Variants in ORC3 observed in about 807,000 individuals in gnomAD.
The protein encoded by ORC3 is homolog of latheo, Drosophila.
Under a neutral mutation model 100.7 loss-of-function variants are expected in ORC3, and 78 were observed. The ratio of observed to expected loss-of-function variants is 0.77; its 90% CI spans 0.65 to 0.94. ORC3 has a LOEUF of 0.94. Among genes scored for constraint, ORC3 ranks in the 40% least tolerant of loss-of-function variants. The probability of loss-of-function intolerance (pLI) is 0.00; values close to 1 mark genes in which losing one functional copy is unlikely to be tolerated. For missense variants in ORC3, 789 were observed against 823.9 expected, an observed-to-expected ratio of 0.96 and a Z score of 0.52; for synonymous variants, 295 against 289.3, an observed-to-expected ratio of 1.02 and a Z score of -0.20.
chr6:87,613,698 G>A (rs1778949342), intron 8 of ORC3, among the ~76,000 whole-genome samples: 2 of 152,194 alleles, frequency 1.3e-5, no homozygotes, highest in South Asian at 4.1e-4. Context: ...AAACAAAGGA[G>A]TTACAGGCCC....
At position 87,609,194 on chromosome 6, in the gene ORC3, C is replaced by T; in HGVS notation, c.678C>T (p.Ala226=). 6.2e-7 allele frequency: 1 copy of T among 1,609,682 alleles called. No homozygotes were observed. Residue 226 remains alanine (A), a synonymous_variant, in exon 7 of 20, where the codon GCC becomes GCT. Coordinates refer to ENST00000392844, the MANE Select transcript of ORC3 (RefSeq NM_012381.4). The part of the protein sequence containing the change: ...VVILKDMESF[A]TKVLQDFIII... The stretch of plus-strand genomic sequence containing the variant: ...TCTTGAAGGATATGGAAAGCTTTGC[C>T]ACAAAAGTACTACAAGACTTCATAA...
Position 87,616,399 on chromosome 6 carries a change from C to T in ORC3, c.959C>T (p.Ser320Leu). The T allele has an allele frequency of 1.3e-6, 2 of 1,501,176 alleles. No individual in the cohort carries two copies. Among genetic ancestry groups the T allele is most frequent in the Non-Finnish European group, 1.9e-6 (2 of 1,078,068 alleles). 93.0% of individuals were successfully genotyped at this position (1,501,176 alleles called of 1,614,324 possible). Residue 320 changes from serine to leucine, a missense_variant, in exon 9 of 20, where the codon TCA becomes TTA. Ser to Leu is a moderately radical substitution (Grantham distance 145, BLOSUM62 -2). Transcript: ENST00000392844. ...AACATCTTTTTGTATCATGATTTCT[C>T]AGTTCAAAACTTTATAAAAGGACTT... ...LTNIFLYHDFSVQNFIKGLQL... is the reference protein window; with the variant it reads ...LTNIFLYHDFLVQNFIKGLQL...
At chr6:87,673,141 G>A in the ORC3 span, among the ~76,000 whole-genome samples, 87,296 of 138,896 alleles carry the variant, frequency 0.63, 28,082 homozygotes, top group African/African-American at 0.81. Flanking sequence ...TGGCTGTGGA[G>A]CAAAAAAAAA....
chr6:87,615,346 T>C (rs1441941839), intron 8 of ORC3, among the ~76,000 whole-genome samples: 3 of 152,146 alleles, frequency 2.0e-5, no homozygotes, highest in Non-Finnish European at 4.4e-5. Flanking sequence ...CCAAACCATA[T>C]CATTGACCTT....
In ORC3 at chr6:87,616,428, GT is replaced by G; in HGVS notation, c.987+2del. On this transcript the variant is annotated splice_donor_variant, in intron 9 of 19. Coordinates refer to ENST00000392844, the MANE Select transcript of ORC3 (RefSeq NM_012381.4). LOFTEE classifies it high-confidence loss of function. ...TCAAAACTTTATAAAAGGACTTCAG[GT>G]AAGAACACAGTAATGGGTTTGAAAA... 8.3e-7 allele frequency: 1 copy of G among 1,205,976 alleles called. No homozygotes were observed. The highest frequency in any genetic ancestry group is 1.2e-6 in the Non-Finnish European group (1 of 811,178). 74.7% of individuals were successfully genotyped at this position (1,205,976 alleles called of 1,614,324 possible).
chr6:87,590,168 C>T lies in ORC3; in HGVS notation c.-1C>T, dbSNP rs766390045. The T allele has an allele frequency of 4.8e-5, 78 of 1,614,022 alleles. 1 individual carries two copies. In the South Asian group the frequency reaches 6.9e-4, roughly 14 times the overall value. On this transcript the variant is annotated 5_prime_UTR_variant, in exon 1 of 20. Transcript: ENST00000392844. ...CTGGAATACGCAGAGTCAGTAAGAC[C>T]ATGGCTACGTCCTCGATGTCTAAGG...
At chr6:87,659,568 A>G (rs1467459381) in intron 16 of ORC3, among the ~76,000 whole-genome samples, 2 of 152,054 alleles carry the variant, frequency 1.3e-5, no homozygotes, top group African/African-American at 4.8e-5. Flanking sequence ...GAAATTGCTA[A>G]TGCCATGAAA....
At chr6:87,631,015 C>T (rs1767363776) in intron 11 of ORC3, among the ~76,000 whole-genome samples, 2 of 151,804 alleles carry the variant, frequency 1.3e-5, no homozygotes, top group Non-Finnish European at 2.9e-5. Context: ...GGACTACAGG[C>T]ACATGCCACC....
At chr6:87,675,438 A>C in the ORC3 span, 2 of 1,006,660 alleles carry the variant, frequency 2.0e-6, no homozygotes, top group Non-Finnish European at 3.0e-6. Flanking sequence ...GGAAATTTCC[A>C]AAACCAGTTG....
intron 2 of ORC3, among the ~76,000 whole-genome samples, chr6:87,600,437 A>T (rs1439138204): frequency 6.6e-6 from 1 of 152,250 alleles, no homozygotes; most frequent in Non-Finnish European, 1.5e-5. Flanking sequence ...GTCAAATACC[A>T]GTACAACTAG....
intron 6 of ORC3, among the ~76,000 whole-genome samples, chr6:87,608,676 T>C (rs147611245): frequency 0.011 from 1,692 of 152,290 alleles, 28 homozygotes; most frequent in African/African-American, 0.039. Flanking sequence ...CTAGTATCCA[T>C]TTCAGGCTTG....
At chr6:87,651,134 A>G (rs1769229601) in intron 13 of ORC3, 1 of 456,042 alleles carries the variant, frequency 2.2e-6, no homozygotes, top group Non-Finnish European at 4.4e-6. Context: ...CCAAAGTTAT[A>G]TGAAATAATG....
chr6:87,668,285 A>G (rs1337944498), downstream of ORC3, among the ~76,000 whole-genome samples: 1 of 152,150 alleles, frequency 6.6e-6, no homozygotes, highest in Non-Finnish European at 1.5e-5. Context: ...TTGCAGGATT[A>G]TGTGTGTGTG....
At position 87,657,978 on chromosome 6, in the gene ORC3, C is replaced by T; in HGVS notation, c.1651C>T (p.Leu551Phe). Residue 551 changes from leucine (L) to phenylalanine (F), a missense_variant, in exon 16 of 20, where the codon CTC (leucine) becomes TTC (phenylalanine). By Grantham distance (22) the Leu-to-Phe change is conservative (BLOSUM62 0). Around this residue, in one of 3 missense-constraint regions of ORC3, gnomAD observed 366 missense variants for 394.2 expected, o/e 0.93. Coordinates refer to ENST00000392844, the MANE Select transcript of ORC3 (RefSeq NM_012381.4). ...RSKKQTKFEV[L>F]RENVVNFIDC... ...TAAGAAGCAAACCAAATTTGAAGTA[C>T]TCAGAGAAAATGTTGTGAACTTCAT... 2 of 1,605,604 alleles carry T rather than the reference C, an allele frequency of 1.2e-6. No individual in the cohort carries two copies. Among genetic ancestry groups the T allele is most frequent in the South Asian group, 2.2e-5 (2 of 90,896 alleles).
Position 87,623,525 on chromosome 6 carries a change from T to C in ORC3, c.1185+1512T>C, listed in dbSNP as rs558374056. On this transcript the variant is annotated intron_variant, in intron 11 of 19. Transcript: ENST00000392844. ...TTTCAGAAGCCAGGAATAGATTTTT[T>C]AAGAGTACCTTTAACCATTGAGATG... 7.2e-5 allele frequency among the ~76,000 whole-genome samples: 11 copies of C among 152,334 alleles called. No homozygotes were observed. The South Asian group carries it at 2.3e-3, about 32-fold the overall frequency.
the ORC3 span, among the ~76,000 whole-genome samples, chr6:87,673,347 CCCTCAGGGACATTTGG>C: frequency 6.6e-6 from 1 of 151,844 alleles, no homozygotes; most frequent in South Asian, 2.1e-4. Flanking sequence ...ACTGTTTTGT[CCCTCAGGGACATTTGG>C]CAATGTCTGC....
chr6:87,599,357 ATTTAT>A (rs1777712410), intron 2 of ORC3, among the ~76,000 whole-genome samples: 2 of 145,164 alleles, frequency 1.4e-5, no homozygotes, highest in South Asian at 4.3e-4. Flanking sequence ...TTTTTTTATT[ATTTAT>A]TTATTTATTT....
intron 13 of ORC3, among the ~76,000 whole-genome samples, chr6:87,648,694 T>C (rs1769001786): frequency 6.6e-6 from 1 of 152,214 alleles, no homozygotes; most frequent in Non-Finnish European, 1.5e-5. Flanking sequence ...CAAATGACAC[T>C]TGATACACAT....
chr6:87,670,275 C>T (rs767365857), downstream of ORC3, among the ~76,000 whole-genome samples: 1 of 152,132 alleles, frequency 6.6e-6, no homozygotes. Flanking sequence ...AAGCCATTCT[C>T]CTGCCTCGGC....
Sources: gnomAD v4.1 joint callset for allele counts (sites outside exome capture counted in the v4.1 genomes callset) on GRCh38, gnomAD v4.1.1 for gene constraint, gnomAD v4.1.1 regional missense constraint, MANE v1.5 for transcripts, NCBI Gene and HGNC (gene_info 2026-07-23, HGNC 2026-07-21) for gene names.